Variants in CCSER2 observed in about 807,000 individuals in gnomAD.
The protein encoded by CCSER2 is coiled-coil serine rich protein 2.
CCSER2 carries 46 observed loss-of-function variants against 92.3 expected under a neutral mutation model. The ratio of observed to expected loss-of-function variants is 0.50; its 90% confidence interval spans 0.39 to 0.64. The LOEUF (loss-of-function observed/expected upper bound fraction) is 0.64, where lower values mean the gene tolerates loss of function less well. Ranked by LOEUF, CCSER2 falls within the 30% of genes least tolerant of loss-of-function variation. The probability of loss-of-function intolerance (pLI) is 0.00; values close to 1 mark genes in which losing one functional copy is unlikely to be tolerated. For missense variants in CCSER2, 1,244 were observed against 1,238.9 expected, an observed-to-expected ratio of 1.00 and a Z score of -0.06; for synonymous variants, 433 against 431.4, an observed-to-expected ratio of 1.00 and a Z score of -0.04.
intron 1 of CCSER2, among the ~76,000 whole-genome samples, chr10:84,346,131 C>T (rs1844460789): frequency 6.6e-6 from 1 of 152,224 alleles, no homozygotes; most frequent in Non-Finnish European, 1.5e-5. Context: ...GTGGCGCAAT[C>T]TCGGCTCACC....
chr10:84,350,446 G>A (rs1356299484), intron 1 of CCSER2, among the ~76,000 whole-genome samples: 1 of 151,946 alleles, frequency 6.6e-6, no homozygotes, highest in Non-Finnish European at 1.5e-5. Context: ...GACCAGGTCT[G>A]TTCTGTGCAT....
chr10:84,422,042 T>A (rs958760363), intron 4 of CCSER2, among the ~76,000 whole-genome samples: 3 of 152,126 alleles, frequency 2.0e-5, no homozygotes, highest in African/African-American at 7.2e-5. Context: ...AGAGAGTGAG[T>A]GACCTTTCTA....
intron 3 of CCSER2, among the ~76,000 whole-genome samples, chr10:84,413,063 CTATTT>C (rs1219987883): frequency 6.8e-6 from 1 of 147,562 alleles, no homozygotes; most frequent in African/African-American, 2.5e-5. Context: ...AGCTAGTTGT[CTATTT>C]TATTAATTTT....
At chr10:84,442,994 A>T (rs1478476526) in intron 6 of CCSER2, among the ~76,000 whole-genome samples, 2 of 152,164 alleles carry the variant, frequency 1.3e-5, no homozygotes, top group Non-Finnish European at 2.9e-5. Flanking sequence ...ACAAAAATTA[A>T]CTCGAGATGG....
intron 5 of CCSER2, 89 bp downstream of exon 5, chr10:84,425,982 T>G: frequency 2.1e-6 from 2 of 951,048 alleles, no homozygotes; most frequent in Non-Finnish European, 2.9e-6. Flanking sequence ...AAAAACCTGT[T>G]TTTGTCTGGT....
intron 5 of CCSER2, among the ~76,000 whole-genome samples, chr10:84,428,298 C>T (rs933028111): frequency 6.6e-6 from 1 of 152,182 alleles, no homozygotes; most frequent in Non-Finnish European, 1.5e-5. Context: ...GTTAGATTCT[C>T]ATAAGGGGTG....
intron 3 of CCSER2, among the ~76,000 whole-genome samples, chr10:84,375,841 C>CT (rs968715182): frequency 6.9e-5 from 10 of 145,574 alleles, no homozygotes; most frequent in South Asian, 2.2e-4. Context: ...AATTGTCTTG[C>CT]TTTTTTTTTC....
intron 1 of CCSER2, among the ~76,000 whole-genome samples, chr10:84,339,518 C>G (rs559816911): frequency 6.6e-6 from 1 of 151,196 alleles, no homozygotes; most frequent in African/African-American, 2.4e-5. Context: ...TCTTGTTGCC[C>G]AGGCTGGAGT....
At chr10:84,430,470 T>C (rs1470194543) in intron 5 of CCSER2, among the ~76,000 whole-genome samples, 2 of 152,144 alleles carry the variant, frequency 1.3e-5, no homozygotes, top group Non-Finnish European at 2.9e-5. Context: ...AGCAGTGCAC[T>C]AGGGATAAGG....
chr10:84,366,923 A>T (rs1484648969), intron 1 of CCSER2, among the ~76,000 whole-genome samples: 3 of 152,222 alleles, frequency 2.0e-5, no homozygotes, highest in African/African-American at 7.2e-5. Context: ...AATGATGAGC[A>T]TAAGAACTAG....
At chr10:84,492,050 TGGGC>T (rs1226376398) in intron 9 of CCSER2, among the ~76,000 whole-genome samples, 6 of 152,072 alleles carry the variant, frequency 3.9e-5, no homozygotes, top group Non-Finnish European at 8.8e-5. Flanking sequence ...GAGGCTGAAG[TGGGC>T]GGATCACGAG....
chr10:84,368,590 C>G (rs1043929486), intron 1 of CCSER2, among the ~76,000 whole-genome samples: 1 of 152,074 alleles, frequency 6.6e-6, no homozygotes, highest in African/African-American at 2.4e-5. Flanking sequence ...AAAAAAAATT[C>G]TCATGACTTT....
chr10:84,371,947 A>G lies in CCSER2; in HGVS notation c.895A>G (p.Lys299Glu), dbSNP rs148590499. Residue 299 changes from lysine (K) to glutamate (E), a missense_variant, in exon 2 of 10, where the codon AAG (lysine) becomes GAG (glutamate). Lys to Glu is a moderately conservative substitution (Grantham distance 56). Coordinates refer to ENST00000372088, the MANE Select transcript of CCSER2 (RefSeq NM_001284240.2). ...TAATAGGCCTTATGCTGCTGGTGGA[A>G]AGAAGTTGGCTTTACCAAATGGCCC... ...GFNRPYAAGG[K>E]KLALPNGPGV... 1 of 1,613,652 alleles carries G rather than the reference A, an allele frequency of 6.2e-7. No individual in the cohort carries two copies. The highest frequency in any genetic ancestry group is 1.3e-5 in the African/African-American group (1 of 74,904).
chr10:84,448,156 A>T (rs1589692349), intron 6 of CCSER2, among the ~76,000 whole-genome samples: 2 of 151,986 alleles, frequency 1.3e-5, no homozygotes, highest in Non-Finnish European at 2.9e-5. Context: ...GAGTCTACGC[A>T]TGGATGCCCT....
chr10:84,363,125 G>C (rs185502350), intron 1 of CCSER2, among the ~76,000 whole-genome samples: 157 of 149,388 alleles, frequency 1.1e-3, no homozygotes, highest in African/African-American at 3.8e-3. Context: ...GGGATTACAG[G>C]TGTGAGCCAC....
intron 9 of CCSER2, among the ~76,000 whole-genome samples, chr10:84,493,194 T>G (rs368277051): frequency 6.6e-6 from 1 of 152,204 alleles, no homozygotes; most frequent in African/African-American, 2.4e-5. Context: ...TTTGATAGTT[T>G]GTGGTTTTGA....
chr10:84,491,751 C>T (rs768679492), intron 9 of CCSER2, among the ~76,000 whole-genome samples: 2 of 152,062 alleles, frequency 1.3e-5, no homozygotes, highest in Admixed American at 6.6e-5. Context: ...ACTGTCCTGT[C>T]CCCACTGTCC....
At chr10:84,391,948 A>G (rs1253681784) in intron 3 of CCSER2, 2 of 1,367,904 alleles carry the variant, frequency 1.5e-6, no homozygotes, top group Admixed American at 3.4e-5. Context: ...AAGATCCTTC[A>G]TGGATTTAAA....
At chr10:84,377,653 G>A (rs1243338978) in intron 3 of CCSER2, among the ~76,000 whole-genome samples, 2 of 152,132 alleles carry the variant, frequency 1.3e-5, no homozygotes, top group Non-Finnish European at 2.9e-5. Flanking sequence ...GAATGAGCTT[G>A]TCCGTTTCCA....
Sources: allele counts gnomAD v4.1 joint callset (sites outside exome capture counted in the v4.1 genomes callset), GRCh38; gene constraint gnomAD v4.1.1; transcripts MANE v1.5; gene names NCBI Gene and HGNC (gene_info 2026-07-23, HGNC 2026-07-21).